Variants in CDH4 observed in about 807,000 individuals in gnomAD.
The protein encoded by CDH4 is cadherin-4.
A neutral mutation model predicts 86.0 loss-of-function variants in CDH4; 33 were observed. The ratio of observed to expected loss-of-function variants is 0.38; its 90% CI spans 0.29 to 0.51. The LOEUF is 0.51. Ranked by LOEUF, CDH4 falls within the 20% of genes least tolerant of loss-of-function variation. The probability of loss-of-function intolerance (pLI) is 0.86; values close to 1 mark genes in which losing one functional copy is unlikely to be tolerated. For missense variants in CDH4, 1,114 were observed against 1,307.4 expected (o/e 0.85, Z 2.28); for synonymous variants, 555 against 549.4 (o/e 1.01, Z -0.14).
At chr20:61,908,621 T>G (rs902767187) in intron 8 of CDH4, among the ~76,000 whole-genome samples, 1 of 152,130 alleles carries the variant, frequency 6.6e-6, no homozygotes, top group Admixed American at 6.5e-5. Flanking sequence ...TTCCCACCCC[T>G]TCTCCGTTTC....
intron 2 of CDH4, among the ~76,000 whole-genome samples, chr20:61,576,130 G>C (rs2086380753): frequency 6.6e-6 from 1 of 152,162 alleles, no homozygotes; most frequent in African/African-American, 2.4e-5. Flanking sequence ...AATCAAAGCT[G>C]CCAGAAAGAA....
At chr20:61,557,068 C>T (rs1337572065) in intron 2 of CDH4, among the ~76,000 whole-genome samples, 2 of 152,202 alleles carry the variant, frequency 1.3e-5, no homozygotes, top group African/African-American at 4.8e-5. Context: ...TAGCCTTCCT[C>T]TTGGGTGTGT....
At position 61,820,215 on chromosome 20, in the gene CDH4, T is replaced by G. The variant is rs1980943432; in HGVS notation, c.577-24453T>G. ...CTACACAGCAACCAGCGGCTCTCAC[T>G]GGCTGCTGCCTGGCATGAGAACTTG... On this transcript the variant is annotated intron_variant, in intron 4 of 15. Transcript: ENST00000614565. Among the ~76,000 whole-genome samples, 3 of 152,244 alleles carry G rather than the reference T, an allele frequency of 2.0e-5. No homozygotes were observed. In the South Asian group the frequency reaches 6.2e-4, roughly 32 times the overall value.
At position 61,501,481 on chromosome 20, in the gene CDH4, T is replaced by C. The variant is rs1396395903; in HGVS notation, c.170-242082T>C. 2.6e-5 allele frequency among the ~76,000 whole-genome samples: 4 copies of C among 152,126 alleles called. No individual in the cohort carries two copies. Among genetic ancestry groups the C allele is most frequent in the Non-Finnish European group, 2.9e-5 (2 of 68,024 alleles). ...TGGGAAGAATTTATTAGGTGAGCGA[T>C]GTAGCTGGAACGAGGCCTGGCTGAG... On this transcript the variant is annotated intron_variant, in intron 2 of 15. Transcript: ENST00000614565. The surrounding 1 kb of genome is among the most constrained non-coding windows in gnomAD (Gnocchi z 4.2).
chr20:61,857,935 GTCTGTGTGTC>G (rs1325544360), intron 6 of CDH4, among the ~76,000 whole-genome samples: 1 of 151,222 alleles, frequency 6.6e-6, no homozygotes, highest in Non-Finnish European at 1.5e-5. Flanking sequence ...GTGTGTGTCT[GTCTGTGTGTC>G]TCTGTGTCTG....
chr20:61,843,294 C>A lies in CDH4; in HGVS notation c.577-1374C>A, dbSNP rs534541933. 1.6e-3 allele frequency among the ~76,000 whole-genome samples: 239 copies of A among 150,996 alleles called. 1 individual carries two copies. The highest frequency in any genetic ancestry group is 2.2e-3 in the Non-Finnish European group (150 of 67,660). The stretch of plus-strand genomic sequence containing the variant: ...TGAAACCCCGTCTCTACTAAAAATA[C>A]AAAAAATTAGCCGGGCGCGGTGGCG... On this transcript the variant is annotated intron_variant, in intron 4 of 15. Transcript: ENST00000614565.
At chr20:61,935,327 T>C (rs939368684) in intron 15 of CDH4, among the ~76,000 whole-genome samples, 8 of 152,276 alleles carry the variant, frequency 5.3e-5, no homozygotes, top group African/African-American at 1.7e-4. Context: ...CAGATGGTGT[T>C]CTGGGCCACA....
In CDH4 at chr20:61,940,513, CCAGA is replaced by C. The variant is rs574592249; in HGVS notation, c.*3574_*3577del. On this transcript the variant is annotated 3_prime_UTR_variant, in exon 16 of 16. Coordinates refer to ENST00000614565, the MANE Select transcript of CDH4 (RefSeq NM_001794.5). ...TGATGTTTTCAGTGTGTTTCCAGTG[CCAGA>C]CAGTCTTGGTCCTGAACTCAGTAGA... 1.3e-5 allele frequency: 2 copies of C among 151,932 alleles called. No individual in the cohort carries two copies. Among genetic ancestry groups the C allele is most frequent in the Non-Finnish European group, 2.9e-5 (2 of 68,032 alleles). 9.4% of individuals were successfully genotyped at this position (151,932 alleles called of 1,614,324 possible). A position where few individuals can be genotyped will look rare whatever the true frequency, so the allele number is the denominator to read the frequency against.
intron 2 of CDH4, among the ~76,000 whole-genome samples, chr20:61,617,509 A>G (rs2086734878): frequency 2.0e-5 from 3 of 152,178 alleles, no homozygotes; most frequent in African/African-American, 2.4e-5. Flanking sequence ...AAGAAGTCAT[A>G]GGAGGAGCAT....
chr20:61,518,864 CCATCATTCATT>C lies in CDH4; in HGVS notation c.170-224693_170-224683del, dbSNP rs552649628. 2.1e-3 allele frequency among the ~76,000 whole-genome samples: 321 copies of C among 152,224 alleles called. 3 individuals are homozygous for C. Among genetic ancestry groups the C allele is most frequent in the Non-Finnish European group, 3.6e-3 (247 of 68,004 alleles). On this transcript the variant is annotated intron_variant, in intron 2 of 15. Coordinates refer to ENST00000614565, the MANE Select transcript of CDH4 (RefSeq NM_001794.5). The surrounding 1 kb of genome is among the most constrained non-coding windows in gnomAD (Gnocchi z 6.3). ...ATTCATCCACCCATCACCCATTCAT[CCATCATTCATT>C]CATCAATCCACCCATCATCCATTCA...
At chr20:61,662,377 G>A (rs1263012447) in intron 2 of CDH4, among the ~76,000 whole-genome samples, 1 of 152,240 alleles carries the variant, frequency 6.6e-6, no homozygotes, top group Non-Finnish European at 1.5e-5. Flanking sequence ...ACCAGGTTGT[G>A]CTGTCCAATT....
At chr20:61,842,919 T>G (rs558694800) in intron 4 of CDH4, among the ~76,000 whole-genome samples, 78 of 152,354 alleles carry the variant, frequency 5.1e-4, no homozygotes, top group Non-Finnish European at 9.0e-4. Flanking sequence ...AACAGTCGCG[T>G]TGTTATATTA....
In CDH4 at chr20:61,654,718, G is replaced by A. The variant is rs558313723; in HGVS notation, c.170-88845G>A. 1.1e-3 allele frequency among the ~76,000 whole-genome samples: 165 copies of A among 152,376 alleles called. 1 individual carries two copies. The highest frequency in any genetic ancestry group is 3.6e-3 in the African/African-American group (150 of 41,592). On this transcript the variant is annotated intron_variant, in intron 2 of 15. Transcript: ENST00000614565. ...AATTAAGTTAATCAAAGCAGGATAC[G>A]AATTCTGTAGGGAGTGTGGTCTCAC...
At chr20:61,292,821 A>C (rs532418355) in intron 2 of CDH4, among the ~76,000 whole-genome samples, 1 of 152,230 alleles carries the variant, frequency 6.6e-6, no homozygotes, top group Non-Finnish European at 1.5e-5. Context: ...CCTCTGTTCA[A>C]TGAAGGAGTT....
At chr20:61,505,177 G>A (rs905131146) in intron 2 of CDH4, among the ~76,000 whole-genome samples, 2 of 152,162 alleles carry the variant, frequency 1.3e-5, no homozygotes, top group Admixed American at 1.3e-4. Context: ...TCATTGTGGG[G>A]TGTTTCACCG....
chr20:61,772,982 C>T, intron 3 of CDH4, 21 bp from the exon 4 acceptor site: 2 of 1,599,828 alleles, frequency 1.3e-6, no homozygotes, highest in South Asian at 2.2e-5. Context: ...TCTGCCTCTT[C>T]TCTCCCCTTT....
chr20:61,686,761 G>A (rs1252749563), intron 2 of CDH4, among the ~76,000 whole-genome samples: 20 of 151,830 alleles, frequency 1.3e-4, no homozygotes, highest in Admixed American at 9.2e-4. Flanking sequence ...GTATATGTGC[G>A]TGTGCATTCG....
intron 11 of CDH4, among the ~76,000 whole-genome samples, chr20:61,927,275 A>G (rs1006606367): frequency 6.6e-6 from 1 of 152,212 alleles, no homozygotes; most frequent in African/African-American, 2.4e-5. Context: ...GAGAGCAGAC[A>G]GGGCATCTCT....
chr20:61,391,754 A>T (rs1181567181), intron 2 of CDH4, among the ~76,000 whole-genome samples: 3 of 152,166 alleles, frequency 2.0e-5, no homozygotes, highest in African/African-American at 7.2e-5. Context: ...GCGTAGGTGG[A>T]CAAGAAATAA....
Sources: allele counts gnomAD v4.1 joint callset (sites outside exome capture counted in the v4.1 genomes callset), GRCh38; gene constraint gnomAD v4.1.1; non-coding constraint Gnocchi (gnomAD v3.1); transcripts MANE v1.5; gene names NCBI Gene and HGNC (gene_info 2026-07-23, HGNC 2026-07-21).